The following GNS variants were observed in gnomAD, a reference collection of about 807,000 sequenced individuals.
The protein encoded by GNS is glucosamine (N-acetyl)-6-sulfatase.
Under a neutral mutation model 69.7 loss-of-function variants are expected in GNS, and 40 were observed. The observed-to-expected ratio is 0.57, with a 90% confidence interval of 0.45 to 0.75. The LOEUF is 0.75. GNS is among the 30% of genes least tolerant of loss of function. The probability of loss-of-function intolerance (pLI) is 0.00; values close to 1 mark genes in which losing one functional copy is unlikely to be tolerated. For missense variants in GNS, 565 were observed against 685.5 expected (o/e 0.82, Z 1.96); for synonymous variants, 243 against 251.6 (o/e 0.97, Z 0.32).
chr12:64,715,579 A>G lies in GNS; in HGVS notation c.*1162T>C, dbSNP rs1868835230. The stretch of plus-strand genomic sequence containing the variant: ...CAGTGAAGAAACCTGAATAGATTTG[A>G]TTTTGACAGGGGAATACTGATAATC... On this transcript the variant is annotated 3_prime_UTR_variant, in exon 14 of 14. Transcript: ENST00000258145. 6.5e-6 allele frequency: 1 copy of G among 154,362 alleles called. No homozygotes were observed. Among genetic ancestry groups the G allele is most frequent in the African/African-American group, 2.4e-5 (1 of 41,524 alleles). The allele number at this position is 154,362 out of a possible 1,614,324, so 9.6% of individuals were successfully genotyped here. A position where few individuals can be genotyped will look rare whatever the true frequency, so the allele number is the denominator to read the frequency against.
chr12:64,722,933 G>T, intron 11 of GNS, 73 bp downstream of exon 11: 2 of 897,148 alleles, frequency 2.2e-6, no homozygotes, highest in South Asian at 1.3e-5. Flanking sequence ...TTCAATATTT[G>T]ACACATGGCA....
At chr12:64,756,333 A>G (rs1249776562) in intron 1 of GNS, among the ~76,000 whole-genome samples, 1 of 152,204 alleles carries the variant, frequency 6.6e-6, no homozygotes, top group African/African-American at 2.4e-5. Flanking sequence ...AAAAATGAAG[A>G]TATTATACAC....
At chr12:64,745,628 A>G (rs745570413) in intron 4 of GNS, 31 bp downstream of exon 4, 2 of 1,275,266 alleles carry the variant, frequency 1.6e-6, no homozygotes, top group Non-Finnish European at 2.3e-6. Flanking sequence ...AGGGCTGCAT[A>G]AAATTGTCAC....
intron 11 of GNS, 113 bp downstream of exon 11, chr12:64,722,893 T>C: frequency 1.3e-6 from 1 of 744,444 alleles, no homozygotes; most frequent in Non-Finnish European, 2.5e-6. Context: ...TCACAGTCAG[T>C]GACAAAGGAA....
At chr12:64,724,984 G>C (rs1446024344) in intron 10 of GNS, among the ~76,000 whole-genome samples, 2 of 152,244 alleles carry the variant, frequency 1.3e-5, no homozygotes, top group Non-Finnish European at 2.9e-5. Flanking sequence ...ATGTCAAAGT[G>C]TCCAGAGGAG....
At position 64,714,260 on chromosome 12, in the gene GNS, G is replaced by A. The variant is rs1868794650; in HGVS notation, c.*2481C>T. The A allele has an allele frequency of 6.6e-6, 1 of 152,192 alleles. No individual in the cohort carries two copies. Among genetic ancestry groups the A allele is most frequent in the Non-Finnish European group, 1.5e-5 (1 of 68,044 alleles). 9.4% of individuals were successfully genotyped at this position (152,192 alleles called of 1,614,324 possible). A position where few individuals can be genotyped will look rare whatever the true frequency, so the allele number is the denominator to read the frequency against. On this transcript the variant is annotated 3_prime_UTR_variant, in exon 14 of 14. Transcript: ENST00000258145. ...AGGCAAACTCTCTATTCATTCCTAA[G>A]GCCTCTGTTCATTCCTAATGTTTAC...
Position 64,716,813 on chromosome 12 carries a change from C to G in GNS, c.1587G>C (p.Arg529Ser). 1.2e-6 allele frequency: 2 copies of G among 1,609,838 alleles called. No homozygotes were observed. The highest frequency in any genetic ancestry group is 1.7e-6 in the Non-Finnish European group (2 of 1,176,112). The part of the protein sequence containing the change: ...RTPGVFDPGY[R>S]FDPRLMFSNR... Reference sequence around the variant, plus strand: ...TGCTGAACATGAGACGGGGGTCAAACCTGTATCTGGGGAGGAAAAACCAAA... The same window carrying G: ...TGCTGAACATGAGACGGGGGTCAAAGCTGTATCTGGGGAGGAAAAACCAAA... The change falls in exon 14 of 14, where the codon AGG (arginine) becomes AGC (serine). Residue 529 changes from arginine (R) to serine (S), a missense_variant. Arg to Ser is a moderately radical substitution (Grantham distance 110). Around this residue, in one of 2 missense-constraint regions of GNS, gnomAD observed 384 missense variants for 511.0 expected, o/e 0.75. Coordinates refer to ENST00000258145, the MANE Select transcript of GNS (RefSeq NM_002076.4).
At chr12:64,723,957 A>G (rs1197283951) in intron 10 of GNS, among the ~76,000 whole-genome samples, 1 of 152,222 alleles carries the variant, frequency 6.6e-6, no homozygotes, top group Admixed American at 6.5e-5. Context: ...GAGGTAACAC[A>G]ATCAAGGCAG....
chr12:64,721,334 T>C (rs374696187), intron 12 of GNS, among the ~76,000 whole-genome samples: 2 of 152,360 alleles, frequency 1.3e-5, no homozygotes, highest in South Asian at 2.1e-4. Flanking sequence ...AAAGCATTTA[T>C]CATTCTGAAA....
At chr12:64,732,454 C>A (rs1289787020) in intron 9 of GNS, among the ~76,000 whole-genome samples, 4 of 148,656 alleles carry the variant, frequency 2.7e-5, no homozygotes, top group African/African-American at 7.5e-5. Context: ...AGGTGTGAAC[C>A]ACCGCGCCCA....
intron 10 of GNS, among the ~76,000 whole-genome samples, chr12:64,725,995 C>CAAA (rs34734900): frequency 5.3e-4 from 26 of 49,220 alleles, no homozygotes; most frequent in Admixed American, 1.4e-3. Context: ...GACTCTGTCT[C>CAAA]AAAAAAAAAA....
At chr12:64,732,152 A>AG (rs1869413196) in intron 9 of GNS, among the ~76,000 whole-genome samples, 1 of 66,654 alleles carries the variant, frequency 1.5e-5, no homozygotes, top group Non-Finnish European at 2.9e-5. Flanking sequence ...ACACCTGGCT[A>AG]ATTTTTTTTT....
chr12:64,716,607 T>C lies in GNS; in HGVS notation c.*134A>G. 1 of 716,480 alleles carries C rather than the reference T, an allele frequency of 1.4e-6. No homozygotes were observed. The highest frequency in any genetic ancestry group is 2.7e-5 in the East Asian group (1 of 37,208). 44.4% of individuals were successfully genotyped at this position (716,480 alleles called of 1,614,324 possible). On this transcript the variant is annotated 3_prime_UTR_variant, in exon 14 of 14. Coordinates refer to ENST00000258145, the MANE Select transcript of GNS (RefSeq NM_002076.4). The stretch of plus-strand genomic sequence containing the variant: ...AGGAAGTCAGCTGACTGGGTTGCTT[T>C]TTCAAACAGGACTTAAAGCCAGCCC...
Position 64,729,132 on chromosome 12 carries a change from T to C in GNS, c.1099-75A>G, listed in dbSNP as rs1287299646. On this transcript the variant is annotated intron_variant, in intron 9 of 13. Transcript: ENST00000258145. ...CTTTTCTACCTATACTAAAGTTCTC[T>C]TCCCCCCACCCCGCCCATGAGACAA... 12 of 810,944 alleles carry C rather than the reference T, an allele frequency of 1.5e-5. No homozygotes were observed. In the East Asian group the frequency reaches 2.8e-4, roughly 19 times the overall value. 50.2% of individuals were successfully genotyped at this position (810,944 alleles called of 1,614,324 possible). A position where few individuals can be genotyped will look rare whatever the true frequency, so the allele number is the denominator to read the frequency against.
intron 2 of GNS, 58 bp downstream of exon 2, chr12:64,752,640 T>G: frequency 1.2e-6 from 1 of 868,778 alleles, no homozygotes; most frequent in Non-Finnish European, 2.0e-6. Flanking sequence ...GAAGAGAGTA[T>G]CTTCTTAGAA....
At chr12:64,728,521 CAG>C (rs1387273653) in intron 10 of GNS, among the ~76,000 whole-genome samples, 2 of 152,208 alleles carry the variant, frequency 1.3e-5, no homozygotes, top group Non-Finnish European at 2.9e-5. Context: ...TGCCAGTTCA[CAG>C]AGAGAGGTCT....
At chr12:64,719,929 C>A in intron 13 of GNS, 93 bp downstream of exon 13, 1 of 824,808 alleles carries the variant, frequency 1.2e-6, no homozygotes, top group Non-Finnish European at 2.2e-6. Context: ...GAAGAATCAT[C>A]ATCTCACAGC....
intron 5 of GNS, among the ~76,000 whole-genome samples, chr12:64,744,510 T>C (rs1048728635): frequency 2.7e-5 from 4 of 150,768 alleles, no homozygotes; most frequent in South Asian, 2.1e-4. Flanking sequence ...CAAGAGTAGG[T>C]ACACTTACAA....
Position 64,728,938 on chromosome 12 carries a change from T to C in GNS, c.1200+18A>G, listed in dbSNP as rs745497035. 4.4e-6 allele frequency: 5 copies of C among 1,147,176 alleles called. No homozygotes were observed. Among genetic ancestry groups the C allele is most frequent in the African/African-American group, 1.5e-5 (1 of 66,172 alleles). The allele number at this position is 1,147,176 out of a possible 1,614,324, so 71.1% of individuals were successfully genotyped here. A position where few individuals can be genotyped will look rare whatever the true frequency, so the allele number is the denominator to read the frequency against. The stretch of plus-strand genomic sequence containing the variant: ...ATTGCGGTCTTGGCTCAGGCCTGAT[T>C]GAGGGCGCTATACTTACCAAAATGG... On this transcript the variant is annotated intron_variant, in intron 10 of 13. Coordinates refer to ENST00000258145, the MANE Select transcript of GNS (RefSeq NM_002076.4).
Sources: gnomAD v4.1 joint callset for allele counts (sites outside exome capture counted in the v4.1 genomes callset) on GRCh38, gnomAD v4.1.1 for gene constraint, gnomAD v4.1.1 regional missense constraint, MANE v1.5 for transcripts, NCBI Gene and HGNC (gene_info 2026-07-23, HGNC 2026-07-21) for gene names.